IQSEC1: variants seen among roughly 807,000 people sequenced by gnomAD.
IQSEC1 encodes IQ motif and SEC7 domain-containing protein 1.
IQSEC1 carries 31 observed loss-of-function variants against 91.0 expected under a neutral mutation model. The observed-to-expected ratio is 0.34, with a 90% CI of 0.26 to 0.46. The LOEUF (loss-of-function observed/expected upper bound fraction) is 0.46. Among genes scored for constraint, IQSEC1 ranks in the 20% least tolerant of loss-of-function variants. IQSEC1 has a pLI of 1.00. For missense variants in IQSEC1, 1,388 were observed against 1,575.6 expected (o/e 0.88, Z 2.02); for synonymous variants, 699 against 662.6 (o/e 1.05, Z -0.84).
chr3:12,992,165 G>A lies in IQSEC1; in HGVS notation c.24-50300C>T, dbSNP rs1230690636. Among the ~76,000 whole-genome samples the A allele has an allele frequency of 2.0e-5, 3 of 152,064 alleles. No individual in the cohort carries two copies. The highest frequency in any genetic ancestry group is 4.4e-5 in the Non-Finnish European group (3 of 68,008). ...TGGAGAGCTGGGGACAGGGCCCCTC[G>A]GCTCTGAATACGCTGTGTGACCTTG... On this transcript the variant is annotated intron_variant, in intron 1 of 13. Coordinates refer to ENST00000613206, the MANE Select transcript of IQSEC1 (RefSeq NM_001134382.3). The surrounding 1 kb of genome is among the most constrained non-coding windows in gnomAD (Gnocchi z 4.1).
intron 1 of IQSEC1, among the ~76,000 whole-genome samples, chr3:13,191,476 AATTTT>A (rs1351110183): frequency 4.0e-4 from 45 of 111,812 alleles, no homozygotes; most frequent in Non-Finnish European, 4.4e-4. Context: ...ACACCCAGCT[AATTTT>A]TTTTTTTTTT....
At position 12,941,554 on chromosome 3, in the gene IQSEC1, G is replaced by A; in HGVS notation, c.318+17C>T. The A allele has an allele frequency of 6.5e-7, 1 of 1,540,768 alleles. No homozygotes were observed. Among genetic ancestry groups the A allele is most frequent in the East Asian group, 2.3e-5 (1 of 42,776 alleles). On this transcript the variant is annotated intron_variant, in intron 2 of 13. Coordinates refer to ENST00000613206, the MANE Select transcript of IQSEC1 (RefSeq NM_001134382.3). The stretch of plus-strand genomic sequence containing the variant: ...CCTGCGCTTGCATGTGTGGCCTGAG[G>A]GGCTGTGCTCTCCTACCTGCTTGTC...
intron 1 of IQSEC1, among the ~76,000 whole-genome samples, chr3:12,988,773 A>G (rs1372675697): frequency 6.6e-6 from 1 of 152,178 alleles, no homozygotes; most frequent in African/African-American, 2.4e-5. Context: ...TAAGCTGTGC[A>G]TGTTTGTCCT....
At chr3:13,219,334 C>G (rs753730808) in intron 1 of IQSEC1, among the ~76,000 whole-genome samples, 2 of 152,186 alleles carry the variant, frequency 1.3e-5, no homozygotes, top group Non-Finnish European at 2.9e-5. Context: ...CGCGGCTGCC[C>G]ACACTGTCCA....
intron 12 of IQSEC1, among the ~76,000 whole-genome samples, chr3:12,904,876 G>A (rs1694803441): frequency 1.3e-5 from 2 of 152,166 alleles, no homozygotes; most frequent in South Asian, 4.1e-4. Flanking sequence ...GTCCCCACCT[G>A]GAGTTGAACA....
chr3:13,210,910 C>T (rs1175652255), intron 1 of IQSEC1, among the ~76,000 whole-genome samples: 4 of 152,166 alleles, frequency 2.6e-5, no homozygotes, highest in African/African-American at 4.8e-5. Context: ...TCAATGACTC[C>T]GGGAGGCCGA....
chr3:13,020,661 A>G (rs1219370447), intron 1 of IQSEC1, among the ~76,000 whole-genome samples: 3 of 151,260 alleles, frequency 2.0e-5, no homozygotes, highest in Non-Finnish European at 2.9e-5. Context: ...TGCTTTTTCC[A>G]CTCCTGATTC....
At chr3:13,150,089 T>C (rs1706968938) in intron 2 of IQSEC1, among the ~76,000 whole-genome samples, 2 of 152,018 alleles carry the variant, frequency 1.3e-5, no homozygotes, top group African/African-American at 4.8e-5. Flanking sequence ...ATACACAACC[T>C]CTAGACCAGC....
intron 1 of IQSEC1, among the ~76,000 whole-genome samples, chr3:12,996,987 C>T (rs1488783481): frequency 2.0e-5 from 3 of 152,140 alleles, no homozygotes; most frequent in Non-Finnish European, 2.9e-5. Context: ...AAGGGTATGG[C>T]GAAGCTACTA....
intron 2 of IQSEC1, among the ~76,000 whole-genome samples, chr3:13,156,630 C>T (rs1169252745): frequency 6.6e-6 from 1 of 152,226 alleles, no homozygotes; most frequent in African/African-American, 2.4e-5. Context: ...GGGCACATGG[C>T]AGAGCACTGA....
chr3:13,263,020 G>GACAGATC (rs1197806709), intron 1 of IQSEC1, among the ~76,000 whole-genome samples: 1 of 152,186 alleles, frequency 6.6e-6, no homozygotes, highest in Non-Finnish European at 1.5e-5. Context: ...GGCCAAGGTG[G>GACAGATC]ACAGATCACA....
intron 1 of IQSEC1, among the ~76,000 whole-genome samples, chr3:13,271,291 G>A (rs1295494343): frequency 6.6e-6 from 1 of 152,040 alleles, no homozygotes; most frequent in Non-Finnish European, 1.5e-5. Flanking sequence ...GCAGGAGAAT[G>A]GCATGAACCC....
intron 1 of IQSEC1, among the ~76,000 whole-genome samples, chr3:13,276,080 C>CTTTTTTTTTTTTTTTTTTTT (rs796663192): frequency 1.3e-5 from 1 of 79,524 alleles, no homozygotes; most frequent in African/African-American, 4.1e-5. Flanking sequence ...CAAAAGCATT[C>CTTTTTTTTTTTTTTTTTTTT]TTTTTTTTTT....
intron 1 of IQSEC1, among the ~76,000 whole-genome samples, chr3:13,001,161 A>G (rs1320509181): frequency 1.3e-5 from 2 of 151,908 alleles, no homozygotes; most frequent in Admixed American, 6.6e-5. Context: ...GGGTTTCACC[A>G]TGTTGGCCAG....
chr3:13,088,896 G>A (rs6801338), intron 2 of IQSEC1, among the ~76,000 whole-genome samples: 51,529 of 152,198 alleles, frequency 0.34, 9,063 homozygotes, highest in East Asian at 0.55. Context: ...GCTAGGCTAA[G>A]TATTAACTCC....
chr3:13,065,339 C>T (rs1705197582), intron 1 of IQSEC1, among the ~76,000 whole-genome samples: 2 of 152,226 alleles, frequency 1.3e-5, no homozygotes, highest in South Asian at 4.1e-4. Flanking sequence ...ACAGCCGTGG[C>T]CTCTGGGCAG....
chr3:12,923,189 C>T (rs960550738), intron 4 of IQSEC1, among the ~76,000 whole-genome samples: 2 of 151,872 alleles, frequency 1.3e-5, no homozygotes, highest in South Asian at 2.1e-4. Context: ...TGTGGTGGCC[C>T]GGGGGAGCCA....
chr3:12,966,058 A>G (rs1235921273), intron 1 of IQSEC1, among the ~76,000 whole-genome samples: 4 of 152,184 alleles, frequency 2.6e-5, no homozygotes, highest in African/African-American at 9.7e-5. Flanking sequence ...GTAAGAAGCA[A>G]TTGTAATACC....
At chr3:13,248,821 C>A (rs979324343) in intron 1 of IQSEC1, among the ~76,000 whole-genome samples, 1 of 93,376 alleles carries the variant, frequency 1.1e-5, no homozygotes, top group African/African-American at 1.1e-4. Flanking sequence ...GGTCACAGAG[C>A]TGCACAGAGA....
Sources: allele counts gnomAD v4.1 joint callset (sites outside exome capture counted in the v4.1 genomes callset), GRCh38; gene constraint gnomAD v4.1.1; non-coding constraint Gnocchi (gnomAD v3.1); transcripts MANE v1.5; gene names NCBI Gene and HGNC (gene_info 2026-07-23, HGNC 2026-07-21).